The following CDH2 variants were observed in gnomAD, a reference collection of about 807,000 sequenced individuals.
CDH2 encodes cadherin-2.
CDH2 carries 17 observed loss-of-function variants against 92.0 expected under a neutral mutation model. The observed-to-expected ratio is 0.18, with a 90% CI of 0.13 to 0.28. The LOEUF (loss-of-function observed/expected upper bound fraction) is 0.28, where lower values mean the gene tolerates loss of function less well. Among genes scored for constraint, CDH2 ranks in the 10% least tolerant of loss-of-function variants. CDH2 has a pLI of 1.00. For synonymous variants in CDH2, 419 were observed against 415.9 expected (o/e 1.01, Z -0.09); for missense variants, 862 against 1,133.1 (o/e 0.76, Z 3.44).
chr18:28,152,748 G>A (rs2016144688), intron 1 of CDH2, among the ~76,000 whole-genome samples: 1 of 152,184 alleles, frequency 6.6e-6, no homozygotes. Context: ...GCATCTGACA[G>A]AGAATTCTCT....
intron 2 of CDH2, among the ~76,000 whole-genome samples, chr18:28,130,765 T>G (rs1287633341): frequency 1.3e-5 from 2 of 152,214 alleles, no homozygotes; most frequent in African/African-American, 4.8e-5. Context: ...CTGCCAAGAC[T>G]TTCTGAAGTG....
chr18:28,148,683 T>C (rs1003521579), intron 1 of CDH2, among the ~76,000 whole-genome samples: 1 of 152,098 alleles, frequency 6.6e-6, no homozygotes, highest in Non-Finnish European at 1.5e-5. Flanking sequence ...GGGATTCCAG[T>C]GGCCATAGGG....
At chr18:28,019,724 A>G (rs529126191) in intron 2 of CDH2, among the ~76,000 whole-genome samples, 5 of 152,220 alleles carry the variant, frequency 3.3e-5, no homozygotes, top group African/African-American at 9.6e-5. Flanking sequence ...TTGGTTTAAT[A>G]TATCTGTTAT....
At chr18:28,113,701 A>G (rs17469001) in intron 2 of CDH2, among the ~76,000 whole-genome samples, 34,341 of 151,996 alleles carry the variant, frequency 0.23, 4,418 homozygotes, top group Non-Finnish European at 0.3. Flanking sequence ...TAAAATACAC[A>G]TAGTTTAAAA....
chr18:28,169,387 G>C (rs2016431580), intron 1 of CDH2, among the ~76,000 whole-genome samples: 1 of 152,112 alleles, frequency 6.6e-6, no homozygotes, highest in African/African-American at 2.4e-5. Flanking sequence ...AAAACTCAAA[G>C]TGTATTTTAG....
At chr18:27,970,224 A>G (rs1280380353) in intron 14 of CDH2, among the ~76,000 whole-genome samples, 1 of 152,166 alleles carries the variant, frequency 6.6e-6, no homozygotes, top group Non-Finnish European at 1.5e-5. Flanking sequence ...AAAGAGAAAC[A>G]CATTTCTTAA....
chr18:28,114,915 T>G (rs2144260637), intron 2 of CDH2, among the ~76,000 whole-genome samples: 1 of 152,104 alleles, frequency 6.6e-6, no homozygotes, highest in African/African-American at 2.4e-5. Flanking sequence ...TAAAAAAAAG[T>G]CTTACAATGA....
chr18:27,948,446 C>G (rs1909330054), downstream of CDH2, among the ~76,000 whole-genome samples: 1 of 151,764 alleles, frequency 6.6e-6, no homozygotes, highest in African/African-American at 2.4e-5. Flanking sequence ...GAATAATCAT[C>G]TTATAATTTA....
At chr18:28,119,325 T>C (rs1013122285) in intron 2 of CDH2, among the ~76,000 whole-genome samples, 1 of 152,048 alleles carries the variant, frequency 6.6e-6, no homozygotes, top group African/African-American at 2.4e-5. Flanking sequence ...GACCACCATA[T>C]GGGGAGCTTA....
chr18:28,002,846 G>A (rs2012807586), intron 7 of CDH2, 151 bp downstream of exon 7: 2 of 725,070 alleles, frequency 2.8e-6, no homozygotes, highest in Admixed American at 2.6e-5. Flanking sequence ...AAGCTCTGCA[G>A]AAAAATATAC....
intron 7 of CDH2, among the ~76,000 whole-genome samples, chr18:27,997,238 A>C (rs1008036350): frequency 5.9e-5 from 9 of 152,228 alleles, no homozygotes; most frequent in African/African-American, 2.2e-4. Flanking sequence ...ACACTGAGTG[A>C]CATCAGTGAA....
intron 9 of CDH2, among the ~76,000 whole-genome samples, chr18:27,990,838 T>C (rs1323767156): frequency 1.3e-5 from 2 of 152,174 alleles, no homozygotes; most frequent in Admixed American, 6.5e-5. Context: ...CTAAACTTAT[T>C]TGATTTAAAA....
At chr18:28,097,201 C>A (rs2015149741) in intron 2 of CDH2, 1 of 152,048 alleles carries the variant, frequency 6.6e-6, no homozygotes, top group Admixed American at 6.6e-5. Context: ...TCTGTGTCTA[C>A]AAGGAATCAA....
At chr18:28,071,496 A>G (rs920998446) in intron 2 of CDH2, among the ~76,000 whole-genome samples, 1 of 152,174 alleles carries the variant, frequency 6.6e-6, no homozygotes, top group Admixed American at 6.6e-5. Flanking sequence ...TGAGGACAGA[A>G]GGCTGATTTT....
At chr18:28,154,596 G>T (rs1306872654) in intron 1 of CDH2, among the ~76,000 whole-genome samples, 2 of 152,172 alleles carry the variant, frequency 1.3e-5, no homozygotes, top group African/African-American at 4.8e-5. Context: ...TTTTGTTCTT[G>T]TTCAAATTTT....
At chr18:27,936,497 T>C (rs756075425) in intron 6 of CDH2, among the ~76,000 whole-genome samples, 3 of 152,154 alleles carry the variant, frequency 2.0e-5, no homozygotes, top group Non-Finnish European at 4.4e-5. Flanking sequence ...TCATAGCTGA[T>C]GTATTTTTCT....
chr18:28,113,616 A>C (rs886313215), intron 2 of CDH2, among the ~76,000 whole-genome samples: 1 of 152,168 alleles, frequency 6.6e-6, no homozygotes, highest in Non-Finnish European at 1.5e-5. Flanking sequence ...ATAGCTTCAT[A>C]GCTGATGAGA....
chr18:28,118,731 T>C (rs576437308), intron 2 of CDH2, among the ~76,000 whole-genome samples: 5 of 152,006 alleles, frequency 3.3e-5, no homozygotes, highest in Non-Finnish European at 7.4e-5. Context: ...TATACCTTAG[T>C]AGTTATTGAC....
intron 7 of CDH2, among the ~76,000 whole-genome samples, chr18:28,001,443 A>G (rs1327619326): frequency 1.3e-5 from 2 of 152,238 alleles, no homozygotes; most frequent in African/African-American, 4.8e-5. Context: ...GAAATGAACT[A>G]AATCTACTTG....
Sources: gnomAD v4.1 joint callset for allele counts (sites outside exome capture counted in the v4.1 genomes callset) on GRCh38, gnomAD v4.1.1 for gene constraint, MANE v1.5 for transcripts, NCBI Gene and HGNC (gene_info 2026-07-23, HGNC 2026-07-21) for gene names.